The following CNTN6 variants were observed in gnomAD, a reference collection of about 807,000 sequenced individuals.
CNTN6 encodes the protein contactin 6.
In CNTN6, 137 loss-of-function variants were observed where a neutral mutation model predicts 122.8. The ratio of observed to expected loss-of-function variants is 1.12; its 90% CI spans 0.97 to 1.29. The LOEUF is 1.29. Among genes scored for constraint, CNTN6 ranks in the 50% most tolerant of loss-of-function variants. CNTN6 has a pLI of 0.00. For missense variants in CNTN6, 1,634 were observed against 1,223.4 expected, an observed-to-expected ratio of 1.34 and a Z score of -5.01; for synonymous variants, 570 against 426.0, an observed-to-expected ratio of 1.34 and a Z score of -4.16.
At chr3:1,386,674 T>TA (rs1282962850) in intron 20 of CNTN6, among the ~76,000 whole-genome samples, 1 of 152,152 alleles carries the variant, frequency 6.6e-6, no homozygotes, top group Non-Finnish European at 1.5e-5. Context: ...AAATTATTCA[T>TA]AAAATCAGAC....
At chr3:1,160,561 T>C (rs1442939326) in intron 2 of CNTN6, among the ~76,000 whole-genome samples, 1 of 151,288 alleles carries the variant, frequency 6.6e-6, no homozygotes, top group African/African-American at 2.4e-5. Flanking sequence ...TGATGGACCT[T>C]GGTGTTTTTA....
At chr3:1,402,267 A>G (rs750575710) in intron 21 of CNTN6, 51 bp from the exon 22 acceptor site, 125 of 1,480,692 alleles carry the variant, frequency 8.4e-5, no homozygotes, top group Non-Finnish European at 1.1e-4. Context: ...AGTTGTGTGA[A>G]CCTTAGAAAA....
chr3:1,378,476 C>G (rs946238906), intron 17 of CNTN6, among the ~76,000 whole-genome samples: 10 of 152,070 alleles, frequency 6.6e-5, no homozygotes, highest in Non-Finnish European at 1.3e-4. Flanking sequence ...ACCCTTTCCT[C>G]TGGATATCTT....
At chr3:1,211,124 T>C (rs1241219772) in intron 2 of CNTN6, among the ~76,000 whole-genome samples, 2 of 152,188 alleles carry the variant, frequency 1.3e-5, no homozygotes, top group African/African-American at 4.8e-5. Context: ...CAAATTAGAC[T>C]TCTGCGGTAG....
chr3:1,383,400 G>A lies in CNTN6; in HGVS notation c.2509G>A (p.Gly837Ser). ...GAATAGAAACACTGGAAGAGTGCTG[G>A]GCTATGAGGTAATCCACATTAATTT... ...AWNRNTGRVL[G>S]YEVLYWTDDS... Residue 837 changes from glycine to serine, a missense_variant, in exon 19 of 23, where the codon GGC (glycine) becomes AGC (serine). Coordinates refer to ENST00000446702, the MANE Select transcript of CNTN6 (RefSeq NM_001289080.2). 6.2e-7 allele frequency: 1 copy of A among 1,612,684 alleles called. No individual in the cohort carries two copies.
At chr3:1,198,495 G>A (rs1407349514) in intron 2 of CNTN6, among the ~76,000 whole-genome samples, 1 of 152,140 alleles carries the variant, frequency 6.6e-6, no homozygotes, top group Middle Eastern at 3.2e-3. Context: ...GGCCAAGGCA[G>A]GTGGATCACC....
At chr3:1,162,113 C>G (rs928626867) in intron 2 of CNTN6, among the ~76,000 whole-genome samples, 2 of 152,152 alleles carry the variant, frequency 1.3e-5, no homozygotes, top group African/African-American at 4.8e-5. Flanking sequence ...GTGCTGTCTG[C>G]TCACTTTGCC....
At position 1,169,868 on chromosome 3, in the gene CNTN6, T is replaced by C. The variant is rs1039453345; in HGVS notation, c.55+21805T>C. 2.0e-5 allele frequency among the ~76,000 whole-genome samples: 3 copies of C among 152,350 alleles called. No individual in the cohort carries two copies. In the East Asian group the frequency reaches 5.8e-4, roughly 29 times the overall value. ...TGATAAATAATCAAATATTTAGCTC[T>C]ATTGTGTATTTTCTTACAATTTTCA... is the stretch of plus-strand genomic sequence containing the variant. On this transcript the variant is annotated intron_variant, in intron 2 of 22. Transcript: ENST00000446702.
intron 2 of CNTN6, among the ~76,000 whole-genome samples, chr3:1,202,269 G>T (rs558394009): frequency 6.7e-4 from 102 of 152,348 alleles, no homozygotes; most frequent in Admixed American, 2.1e-3. Flanking sequence ...GGCCGGGCGC[G>T]GTGGCTCACG....
intron 12 of CNTN6, among the ~76,000 whole-genome samples, chr3:1,362,617 G>A (rs1707631362): frequency 6.6e-6 from 1 of 151,962 alleles, no homozygotes; most frequent in South Asian, 2.1e-4. Context: ...AGCATGGAGA[G>A]AGAATAAAAT....
chr3:1,390,991 ACCATT>A (rs1694057866), intron 20 of CNTN6, among the ~76,000 whole-genome samples: 2 of 139,554 alleles, frequency 1.4e-5, no homozygotes, highest in Admixed American at 7.3e-5. Flanking sequence ...AGGAACTGGT[ACCATT>A]CCTTCTGAAA....
At chr3:1,130,825 A>G (rs992592695) in intron 1 of CNTN6, among the ~76,000 whole-genome samples, 12 of 152,114 alleles carry the variant, frequency 7.9e-5, no homozygotes, top group Non-Finnish European at 1.6e-4. Context: ...AATAGGAATG[A>G]TTTGTCTTTC....
intron 5 of CNTN6, among the ~76,000 whole-genome samples, chr3:1,294,704 G>A (rs377263824): frequency 1.2e-4 from 18 of 152,254 alleles, no homozygotes; most frequent in African/African-American, 2.4e-4. Context: ...CGACTCCTCC[G>A]TCACTTGGAT....
chr3:1,360,274 C>G (rs184625234), intron 12 of CNTN6, among the ~76,000 whole-genome samples: 7 of 152,110 alleles, frequency 4.6e-5, no homozygotes, highest in Admixed American at 3.3e-4. Context: ...GACACCTTTT[C>G]CCTCTTGTTC....
Position 1,132,955 on chromosome 3 carries a change from A to G in CNTN6, c.-82-14972A>G, listed in dbSNP as rs190583650. On this transcript the variant is annotated intron_variant, in intron 1 of 22. Transcript: ENST00000446702. ...TTATTGCTTCTGAGAGGCTTTTTCT[A>G]TAATATACCTGAAATACATTTAAGG... Among the ~76,000 whole-genome samples the G allele has an allele frequency of 2.1e-3, 318 of 152,298 alleles. 7 individuals carry two copies. Among genetic ancestry groups the G allele is most frequent in the East Asian group, 1.7e-3 (9 of 5,168 alleles).
chr3:1,190,591 G>A (rs1413720460), intron 2 of CNTN6, among the ~76,000 whole-genome samples: 1 of 152,174 alleles, frequency 6.6e-6, no homozygotes, highest in Non-Finnish European at 1.5e-5. Flanking sequence ...GCAGAGGAGA[G>A]TTTAAGCAAA....
chr3:1,107,958 A>T (rs1278605619), intron 1 of CNTN6, among the ~76,000 whole-genome samples: 1 of 152,092 alleles, frequency 6.6e-6, no homozygotes, highest in Non-Finnish European at 1.5e-5. Context: ...AAAGGTTTAG[A>T]TTTGGAATCT....
At chr3:1,216,003 T>A (rs897484553) in intron 2 of CNTN6, among the ~76,000 whole-genome samples, 4 of 152,144 alleles carry the variant, frequency 2.6e-5, no homozygotes, top group Admixed American at 6.5e-5. Context: ...GTAGCCAGAT[T>A]ATTATTGGAA....
intron 11 of CNTN6, among the ~76,000 whole-genome samples, chr3:1,344,783 T>C (rs155399): frequency 0.24 from 37,021 of 152,192 alleles, 4,690 homozygotes; most frequent in Non-Finnish European, 0.28. Context: ...GTCCTTTCTA[T>C]AAATTTTCCT....
Sources: allele counts gnomAD v4.1 joint callset (sites outside exome capture counted in the v4.1 genomes callset), GRCh38; gene constraint gnomAD v4.1.1; transcripts MANE v1.5; gene names NCBI Gene and HGNC (gene_info 2026-07-23, HGNC 2026-07-21).